TRPS1: variants seen among roughly 807,000 people sequenced by gnomAD.
The protein encoded by TRPS1 is transcriptional repressor GATA binding 1, also known as zinc finger transcription factor Trps1.
Under a neutral mutation model 101.2 loss-of-function variants are expected in TRPS1, and 6 were observed. The observed-to-expected ratio is 0.06, with a 90% CI of 0.03 to 0.12. TRPS1 has a LOEUF of 0.12. Ranked by LOEUF, TRPS1 falls within the 10% of genes least tolerant of loss-of-function variation. TRPS1 has a pLI of 1.00. For missense variants in TRPS1, 1,363 were observed against 1,567.0 expected, an observed-to-expected ratio of 0.87 and a Z score of 2.20; for synonymous variants, 578 against 589.8, an observed-to-expected ratio of 0.98 and a Z score of 0.29.
chr8:115,579,984 T>C (rs773440139), intron 5 of TRPS1, among the ~76,000 whole-genome samples: 1 of 152,084 alleles, frequency 6.6e-6, no homozygotes. Flanking sequence ...TGTTCCAGAC[T>C]TCCTTGTATT....
At chr8:115,596,492 G>A (rs540235129) in intron 4 of TRPS1, among the ~76,000 whole-genome samples, 1 of 151,750 alleles carries the variant, frequency 6.6e-6, no homozygotes, top group Non-Finnish European at 1.5e-5. Context: ...AAACTGAAGC[G>A]ATTACAGAAT....
intron 1 of TRPS1, among the ~76,000 whole-genome samples, chr8:115,661,351 C>T (rs1218907522): frequency 6.6e-6 from 1 of 151,978 alleles, no homozygotes; most frequent in Admixed American, 6.6e-5. Context: ...ATTCTAAATT[C>T]CACCATCAAG....
At chr8:115,523,094 T>C (rs987754523) in intron 5 of TRPS1, among the ~76,000 whole-genome samples, 1 of 152,076 alleles carries the variant, frequency 6.6e-6, no homozygotes, top group Admixed American at 6.6e-5. Flanking sequence ...GATTAGATCC[T>C]GAGTTTAGGG....
chr8:115,531,445 C>T (rs1423758194), intron 5 of TRPS1, among the ~76,000 whole-genome samples: 1 of 152,044 alleles, frequency 6.6e-6, no homozygotes. Flanking sequence ...AGCTCTAGGC[C>T]ATGAGCTGAA....
chr8:115,589,767 C>T (rs1563626521), intron 4 of TRPS1, among the ~76,000 whole-genome samples: 1 of 152,098 alleles, frequency 6.6e-6, no homozygotes, highest in Non-Finnish European at 1.5e-5. Context: ...TAGACAATAC[C>T]TAAAATCTAG....
At chr8:115,645,732 T>C (rs1819010639) in intron 1 of TRPS1, among the ~76,000 whole-genome samples, 1 of 152,174 alleles carries the variant, frequency 6.6e-6, no homozygotes. Context: ...TGATGGCACA[T>C]GTCATTAAAG....
At chr8:115,658,728 A>C (rs1419746589) in intron 1 of TRPS1, among the ~76,000 whole-genome samples, 1 of 152,166 alleles carries the variant, frequency 6.6e-6, no homozygotes. Flanking sequence ...TGATGTACAT[A>C]AATGTACACA....
chr8:115,444,633 T>G (rs947906804), intron 5 of TRPS1, among the ~76,000 whole-genome samples: 140 of 152,332 alleles, frequency 9.2e-4, no homozygotes, highest in Non-Finnish European at 1.8e-3. Context: ...CACCCTTTTT[T>G]GGGGGAGTCT....
At chr8:115,433,825 T>C (rs1215746381) in intron 5 of TRPS1, among the ~76,000 whole-genome samples, 2 of 152,146 alleles carry the variant, frequency 1.3e-5, no homozygotes, top group Admixed American at 6.5e-5. Flanking sequence ...TACACTGTTC[T>C]TTTTACAAGA....
chr8:115,657,508 C>T (rs1811702135), intron 1 of TRPS1, among the ~76,000 whole-genome samples: 2 of 152,194 alleles, frequency 1.3e-5, no homozygotes, highest in South Asian at 4.1e-4. Context: ...CTGTAGACCT[C>T]AAAGAGTTGA....
chr8:115,501,836 C>T (rs2130149149), intron 5 of TRPS1, among the ~76,000 whole-genome samples: 1 of 152,240 alleles, frequency 6.6e-6, no homozygotes, highest in African/African-American at 2.4e-5. Context: ...TAAATCCAGT[C>T]TATTGCTTTT....
chr8:115,509,172 G>C (rs911688120), intron 5 of TRPS1, among the ~76,000 whole-genome samples: 2 of 151,874 alleles, frequency 1.3e-5, no homozygotes, highest in African/African-American at 4.8e-5. Context: ...ATGATAAATG[G>C]AGTCTACAAG....
At chr8:115,586,802 T>G (rs1160442107) in intron 5 of TRPS1, among the ~76,000 whole-genome samples, 199 bp downstream of exon 5, 1 of 152,198 alleles carries the variant, frequency 6.6e-6, no homozygotes, top group African/African-American at 2.4e-5. Flanking sequence ...TGCCTAACAC[T>G]GTATCAAGTA....
intron 1 of TRPS1, chr8:115,668,045 C>T: frequency 4.3e-6 from 3 of 699,088 alleles, no homozygotes; most frequent in African/African-American, 1.8e-5. Flanking sequence ...GGGAGTGGGG[C>T]TGCGAGGGGG....
At chr8:115,570,757 G>A (rs1448004432) in intron 5 of TRPS1, among the ~76,000 whole-genome samples, 1 of 151,514 alleles carries the variant, frequency 6.6e-6, no homozygotes, top group Non-Finnish European at 1.5e-5. Context: ...AGCCCAGGGA[G>A]TATCACAGAA....
chr8:115,638,077 T>C (rs572767112), intron 1 of TRPS1, among the ~76,000 whole-genome samples: 2 of 152,268 alleles, frequency 1.3e-5, no homozygotes, highest in South Asian at 4.1e-4. Flanking sequence ...ATCCCCACTA[T>C]ACACCCCATG....
chr8:115,414,018 A>C lies in TRPS1; in HGVS notation c.*5T>G. 1 of 1,613,236 alleles carries C rather than the reference A, an allele frequency of 6.2e-7. No individual in the cohort carries two copies. Among genetic ancestry groups the C allele is most frequent in the Non-Finnish European group, 8.5e-7 (1 of 1,179,554 alleles). On this transcript the variant is annotated 3_prime_UTR_variant, in exon 7 of 7. Transcript: ENST00000395715. The surrounding 1 kb of genome is among the most constrained non-coding windows in gnomAD (Gnocchi z 4.8). ...TTCTATTTAATTGTGCTAAGTGCTA[A>C]GGTTTTACTCTTTAGGTTTTCCATT...
intron 5 of TRPS1, among the ~76,000 whole-genome samples, chr8:115,436,825 T>C (rs901540503): frequency 3.9e-5 from 6 of 152,150 alleles, no homozygotes; most frequent in African/African-American, 1.2e-4. Flanking sequence ...GCTTTGAATC[T>C]AGGGCAAAAT....
intron 5 of TRPS1, among the ~76,000 whole-genome samples, chr8:115,517,058 TG>T (rs1041382562): frequency 3.3e-5 from 5 of 151,592 alleles, no homozygotes; most frequent in Admixed American, 6.6e-5. Flanking sequence ...AGAAGTAATC[TG>T]GGGCAATTTC....
Sources: gnomAD v4.1 joint callset for allele counts (sites outside exome capture counted in the v4.1 genomes callset) on GRCh38, gnomAD v4.1.1 for gene constraint, Gnocchi (gnomAD v3.1) non-coding constraint, MANE v1.5 for transcripts, NCBI Gene and HGNC (gene_info 2026-07-23, HGNC 2026-07-21) for gene names.